Variants in KCNIP4 observed in about 807,000 individuals in gnomAD.
KCNIP4 encodes Kv channel-interacting protein 4.
In KCNIP4, 12 loss-of-function variants were observed where a neutral mutation model predicts 34.0. The ratio of observed to expected loss-of-function variants is 0.35; its 90% CI spans 0.23 to 0.57. The LOEUF (loss-of-function observed/expected upper bound fraction) is 0.57, where lower values mean the gene tolerates loss of function less well. KCNIP4 is among the 20% of genes least tolerant of loss of function. KCNIP4 has a pLI of 0.83. For missense variants in KCNIP4, 238 were observed against 311.7 expected, an observed-to-expected ratio of 0.76 and a Z score of 1.78; for synonymous variants, 124 against 102.2, an observed-to-expected ratio of 1.21 and a Z score of -1.29.
intron 1 of KCNIP4, among the ~76,000 whole-genome samples, chr4:21,266,678 CA>C (rs1348851349): frequency 2.6e-5 from 4 of 152,158 alleles, no homozygotes; most frequent in African/African-American, 9.7e-5. Flanking sequence ...GTCCCAAGTA[CA>C]GGTAGATCTT....
At chr4:20,972,359 A>G (rs908654257) in intron 1 of KCNIP4, among the ~76,000 whole-genome samples, 3 of 152,196 alleles carry the variant, frequency 2.0e-5, no homozygotes, top group Admixed American at 6.5e-5. Flanking sequence ...TATTTCTTAA[A>G]TAATAAGATG....
chr4:20,912,356 C>T (rs1728408775), intron 1 of KCNIP4, among the ~76,000 whole-genome samples: 1 of 151,958 alleles, frequency 6.6e-6, no homozygotes, highest in African/African-American at 2.4e-5. Flanking sequence ...GATACAAGAT[C>T]AATATGCAAA....
chr4:21,140,313 G>A (rs1396426451), intron 1 of KCNIP4, among the ~76,000 whole-genome samples: 1 of 151,882 alleles, frequency 6.6e-6, no homozygotes, highest in Non-Finnish European at 1.5e-5. Flanking sequence ...ATATTGAGAA[G>A]AACAAAATTA....
intron 1 of KCNIP4, among the ~76,000 whole-genome samples, chr4:21,758,931 CAAT>C (rs146608463): frequency 0.028 from 4,243 of 151,638 alleles, 178 homozygotes; most frequent in African/African-American, 0.096. Context: ...ATAATAATAA[CAAT>C]AATAATAATA....
chr4:21,808,510 C>G (rs1013733037), intron 1 of KCNIP4, among the ~76,000 whole-genome samples: 18 of 152,182 alleles, frequency 1.2e-4, no homozygotes, highest in Admixed American at 1.2e-3. Context: ...ACATAACATA[C>G]AGAATATGTG....
chr4:21,107,665 T>C (rs1434031136), intron 1 of KCNIP4, among the ~76,000 whole-genome samples: 1 of 151,218 alleles, frequency 6.6e-6, no homozygotes, highest in Non-Finnish European at 1.5e-5. Flanking sequence ...GTTATTTTGC[T>C]CATTAGTTGA....
chr4:20,810,694 G>T (rs1268733250), intron 3 of KCNIP4, among the ~76,000 whole-genome samples: 3 of 152,150 alleles, frequency 2.0e-5, no homozygotes, highest in Admixed American at 1.3e-4. Flanking sequence ...TTAGATCTGG[G>T]TGGTGAGAAC....
At chr4:20,800,221 G>T (rs1221254423) in intron 3 of KCNIP4, among the ~76,000 whole-genome samples, 1 of 152,050 alleles carries the variant, frequency 6.6e-6, no homozygotes, top group Non-Finnish European at 1.5e-5. Context: ...TGTATCACTG[G>T]GCCCACACAG....
chr4:21,528,764 AAAGAAAGAAAGAAAGG>A (rs1736326343), intron 1 of KCNIP4, among the ~76,000 whole-genome samples: 3 of 9,624 alleles, frequency 3.1e-4, no homozygotes, highest in South Asian at 5.4e-3. Context: ...AGAAAGAAAG[AAAGAAAGAAAGAAAGG>A]AAGAAAGGAA....
intron 1 of KCNIP4, among the ~76,000 whole-genome samples, chr4:20,930,191 G>A (rs947103093): frequency 6.6e-6 from 1 of 151,872 alleles, no homozygotes; most frequent in Non-Finnish European, 1.5e-5. Context: ...GTGGACCAAC[G>A]GAACAGAATA....
At chr4:20,775,278 A>T (rs1226938473) in intron 3 of KCNIP4, among the ~76,000 whole-genome samples, 1 of 152,204 alleles carries the variant, frequency 6.6e-6, no homozygotes. Context: ...AAAAGTAAAT[A>T]AAAGCAAGCA....
In KCNIP4 at chr4:21,141,918, G is replaced by A. The variant is rs1028194868; in HGVS notation, c.62-259209C>T. Among the ~76,000 whole-genome samples the A allele has an allele frequency of 5.9e-5, 9 of 151,768 alleles. No homozygotes were observed. The East Asian group carries it at 1.4e-3, about 23-fold the overall frequency. On this transcript the variant is annotated intron_variant, in intron 1 of 8. Transcript: ENST00000382152. ...TGTAATCCCAGCACTTTGGGAGGCC[G>A]AGGTGTGTGGATCACGAGGTCAGAA...
chr4:21,059,986 C>T (rs866862307), intron 1 of KCNIP4, among the ~76,000 whole-genome samples: 8 of 152,064 alleles, frequency 5.3e-5, no homozygotes, highest in African/African-American at 1.7e-4. Context: ...ATACCAGATA[C>T]ATTTTGTTTG....
At chr4:20,855,847 G>A (rs957558770) in intron 2 of KCNIP4, among the ~76,000 whole-genome samples, 11 of 152,106 alleles carry the variant, frequency 7.2e-5, no homozygotes, top group African/African-American at 2.4e-4. Flanking sequence ...AAAAGGACAT[G>A]GAAAGATGAG....
At chr4:21,177,320 G>C (rs914550582) in intron 1 of KCNIP4, among the ~76,000 whole-genome samples, 1 of 151,998 alleles carries the variant, frequency 6.6e-6, no homozygotes, top group East Asian at 1.9e-4. Flanking sequence ...AATTCAATAA[G>C]AATAAACACA....
intron 1 of KCNIP4, among the ~76,000 whole-genome samples, chr4:21,658,592 G>A (rs770202050): frequency 2.6e-5 from 4 of 152,024 alleles, no homozygotes; most frequent in Non-Finnish European, 4.4e-5. Flanking sequence ...TAGTAGAGAC[G>A]GGGTTTCACC....
intron 1 of KCNIP4, among the ~76,000 whole-genome samples, chr4:21,933,052 G>GAA (rs35062040): frequency 0.3 from 29,544 of 99,456 alleles, 4,172 homozygotes; most frequent in East Asian, 0.63. Context: ...AAAGGTAAAC[G>GAA]AAAAAAAAAA....
At chr4:21,736,427 A>G (rs939982215) in intron 1 of KCNIP4, among the ~76,000 whole-genome samples, 4 of 152,196 alleles carry the variant, frequency 2.6e-5, no homozygotes, top group African/African-American at 9.6e-5. Flanking sequence ...GACACACAGA[A>G]TAAATCTATA....
At chr4:21,013,255 CA>C (rs1739221153) in intron 1 of KCNIP4, among the ~76,000 whole-genome samples, 1 of 152,202 alleles carries the variant, frequency 6.6e-6, no homozygotes, top group Admixed American at 6.5e-5. Flanking sequence ...CTGCATTCTT[CA>C]GCCCTAGGAA....
Sources: gnomAD v4.1 joint callset for allele counts (sites outside exome capture counted in the v4.1 genomes callset) on GRCh38, gnomAD v4.1.1 for gene constraint, MANE v1.5 for transcripts, NCBI Gene and HGNC (gene_info 2026-07-23, HGNC 2026-07-21) for gene names.